TNKS: variants seen among roughly 807,000 people sequenced by gnomAD.
The protein encoded by TNKS is poly [ADP-ribose] polymerase tankyrase-1.
TNKS carries 72 observed loss-of-function variants against 135.8 expected under a neutral mutation model. That is an observed-to-expected ratio of 0.53 (90% CI 0.44 to 0.64). The LOEUF is 0.64. TNKS is among the 30% of genes least tolerant of loss of function. The pLI, the probability that TNKS is intolerant of heterozygous loss-of-function variation, is 0.00. For missense variants in TNKS, 1,769 were observed against 1,674.0 expected (o/e 1.06, Z -0.99); for synonymous variants, 849 against 649.3 (o/e 1.31, Z -4.68).
chr8:9,774,829 T>G (rs1050397907), intron 26 of TNKS, among the ~76,000 whole-genome samples: 2 of 152,210 alleles, frequency 1.3e-5, no homozygotes, highest in African/African-American at 4.8e-5. Flanking sequence ...TATTGACTCC[T>G]TTGCTTCAAC....
chr8:9,749,316 C>T (rs1156699438), intron 18 of TNKS, among the ~76,000 whole-genome samples: 1 of 152,152 alleles, frequency 6.6e-6, no homozygotes, highest in Non-Finnish European at 1.5e-5. Flanking sequence ...GGCAGATAGT[C>T]ATCACTGGGT....
chr8:9,561,531 A>G (rs1238076518), intron 1 of TNKS, among the ~76,000 whole-genome samples: 1 of 152,196 alleles, frequency 6.6e-6, no homozygotes, highest in Non-Finnish European at 1.5e-5. Context: ...TGTAACGTGT[A>G]TCAGTAGTTT....
chr8:9,608,229 C>G (rs73537971), intron 2 of TNKS, among the ~76,000 whole-genome samples: 5 of 152,102 alleles, frequency 3.3e-5, no homozygotes, highest in African/African-American at 1.2e-4. Flanking sequence ...GCATGAGACA[C>G]CATGCTCAGC....
At chr8:9,567,148 A>G (rs992437506) in intron 1 of TNKS, among the ~76,000 whole-genome samples, 2 of 152,240 alleles carry the variant, frequency 1.3e-5, no homozygotes, top group East Asian at 3.8e-4. Context: ...TGGAAAGTAC[A>G]GTAAAAAGTA....
intron 18 of TNKS, among the ~76,000 whole-genome samples, chr8:9,749,445 T>TCTTTTTTTTTC (rs1719455287): frequency 6.6e-6 from 1 of 151,326 alleles, no homozygotes; most frequent in South Asian, 2.1e-4. Context: ...ACTGTGGCTG[T>TCTTTTTTTTTC]CTTTTTTTTT....
At position 9,663,898 on chromosome 8, in the gene TNKS, C is replaced by G. The variant is rs190442570; in HGVS notation, c.995-16053C>G. On this transcript the variant is annotated intron_variant, in intron 3 of 26. Coordinates refer to ENST00000310430, the MANE Select transcript of TNKS (RefSeq NM_003747.3). ...TCAGTAACCCAGAAACACTTTCAAC[C>G]CTGTCCCTTGGGGTTTCTCTGGAGG... Among the ~76,000 whole-genome samples the G allele has an allele frequency of 4.4e-4, 67 of 152,284 alleles. No individual in the cohort carries two copies. The East Asian group carries it at 0.012, about 27-fold the overall frequency.
chr8:9,734,827 A>C, intron 15 of TNKS, 38 bp from the exon 16 acceptor site: 7 of 1,569,384 alleles, frequency 4.5e-6, no homozygotes, highest in Non-Finnish European at 6.1e-6. Context: ...TACTTACTAC[A>C]GAAAATACAA....
At chr8:9,599,116 A>G (rs967101119) in intron 2 of TNKS, among the ~76,000 whole-genome samples, 1 of 152,014 alleles carries the variant, frequency 6.6e-6, no homozygotes, top group Non-Finnish European at 1.5e-5. Context: ...ATTTAGTTGA[A>G]TCTAGTCAAG....
chr8:9,647,893 G>A (rs1224099757), intron 3 of TNKS, among the ~76,000 whole-genome samples: 1 of 152,192 alleles, frequency 6.6e-6, no homozygotes, highest in Admixed American at 6.5e-5. Flanking sequence ...ACACACATAA[G>A]CTATATGGTA....
chr8:9,706,338 T>C, intron 7 of TNKS, 85 bp downstream of exon 7: 1 of 1,083,534 alleles, frequency 9.2e-7, no homozygotes, highest in Non-Finnish European at 1.3e-6. Context: ...TTCGGCCTCA[T>C]GAAAGTTTGT....
intron 5 of TNKS, among the ~76,000 whole-genome samples, chr8:9,682,814 T>A (rs1359295299): frequency 2.2e-5 from 2 of 89,426 alleles, no homozygotes; most frequent in Non-Finnish European, 2.8e-5. Context: ...ATTACTAATA[T>A]TATTATATTA....
At chr8:9,573,451 G>T (rs1327692248) in intron 1 of TNKS, among the ~76,000 whole-genome samples, 1 of 152,170 alleles carries the variant, frequency 6.6e-6, no homozygotes, top group Non-Finnish European at 1.5e-5. Flanking sequence ...CTTTGTGATT[G>T]GTACAAGAGT....
intron 3 of TNKS, chr8:9,658,226 T>A (rs1801513323): frequency 3.0e-6 from 1 of 329,158 alleles, no homozygotes. Context: ...GCTCCTCACT[T>A]CCCAGACGGG....
chr8:9,702,846 G>C (rs1803873004), intron 5 of TNKS, among the ~76,000 whole-genome samples: 1 of 152,124 alleles, frequency 6.6e-6, no homozygotes, highest in South Asian at 2.1e-4. Flanking sequence ...TGACACCTCA[G>C]CTCAAGTGAA....
chr8:9,771,261 G>A (rs1807821598), intron 26 of TNKS, among the ~76,000 whole-genome samples: 4 of 140,722 alleles, frequency 2.8e-5, no homozygotes, highest in African/African-American at 1.1e-4. Flanking sequence ...GAGGAAGGAA[G>A]TGAGGGAGGA....
chr8:9,611,662 T>C lies in TNKS; in HGVS notation c.899-3920T>C, dbSNP rs115627982. Among the ~76,000 whole-genome samples the C allele has an allele frequency of 4.4e-3, 666 of 152,354 alleles. 2 individuals are homozygous for C. The highest frequency in any genetic ancestry group is 0.015 in the African/African-American group (635 of 41,584). ...TACAGTGTGGCATTCTTGAAAACTA[T>C]TGTTACCTTTGCCTCATGTATGTGC... On this transcript the variant is annotated intron_variant, in intron 2 of 26. Coordinates refer to ENST00000310430, the MANE Select transcript of TNKS (RefSeq NM_003747.3).
intron 2 of TNKS, among the ~76,000 whole-genome samples, chr8:9,603,520 A>G (rs568548910): frequency 2.0e-5 from 3 of 152,348 alleles, no homozygotes; most frequent in East Asian, 1.9e-4. Flanking sequence ...AGAACAGGCT[A>G]AGACCACACA....
chr8:9,640,434 C>T (rs763859265), intron 3 of TNKS, among the ~76,000 whole-genome samples: 4 of 145,264 alleles, frequency 2.8e-5, no homozygotes, highest in Non-Finnish European at 6.0e-5. Context: ...ACATTCAAAC[C>T]ATATCATAAA....
chr8:9,761,627 G>A lies in TNKS; in HGVS notation c.3265G>A (p.Gly1089Arg). The change falls in exon 21 of 27, where the codon GGA becomes AGA. Residue 1089 changes from glycine to arginine, a missense_variant. Gly to Arg is a moderately radical substitution (Grantham distance 125). Around this residue, in one of 5 missense-constraint regions of TNKS, gnomAD observed 722 missense variants for 688.9 expected, o/e 1.05. Transcript: ENST00000310430. ...LIKGVERLLG[G>R]QQGTNPYLTF... ...CAAAGGAGTAGAAAGACTCTTAGGT[G>A]GACAACAAGGTAAGCTATTCAGAAA... 1 of 1,589,624 alleles carries A rather than the reference G, an allele frequency of 6.3e-7. No homozygotes were observed. The highest frequency in any genetic ancestry group is 1.9e-5 in the Admixed American group (1 of 51,850).
Sources: gnomAD v4.1 joint callset for allele counts (sites outside exome capture counted in the v4.1 genomes callset) on GRCh38, gnomAD v4.1.1 for gene constraint, gnomAD v4.1.1 regional missense constraint, MANE v1.5 for transcripts, NCBI Gene and HGNC (gene_info 2026-07-23, HGNC 2026-07-21) for gene names.